Variants in ANO1 observed in about 807,000 individuals in gnomAD.
ANO1 encodes anoctamin 1.
Under a neutral mutation model 124.0 loss-of-function variants are expected in ANO1, and 59 were observed. That is an observed-to-expected ratio of 0.48 (90% CI 0.39 to 0.59). The LOEUF is 0.59. Ranked by LOEUF, ANO1 falls within the 20% of genes least tolerant of loss-of-function variation. The pLI is 0.00. For missense variants in ANO1, 1,059 were observed against 1,328.0 expected (o/e 0.80, Z 3.15); for synonymous variants, 529 against 532.0 (o/e 0.99, Z 0.08).
chr11:70,134,155 G>T (rs549688607), intron 11 of ANO1, among the ~76,000 whole-genome samples: 2 of 152,294 alleles, frequency 1.3e-5, no homozygotes, highest in African/African-American at 2.4e-5. Flanking sequence ...AGCCCCACCC[G>T]CTGTGTGCGC....
chr11:70,147,061 T>C (rs1191041619), intron 11 of ANO1, among the ~76,000 whole-genome samples: 2 of 152,196 alleles, frequency 1.3e-5, no homozygotes, highest in African/African-American at 4.8e-5. Flanking sequence ...TGACACTCAA[T>C]ACAAACCATC....
upstream of ANO1, among the ~76,000 whole-genome samples, chr11:70,073,919 T>C (rs1248782863): frequency 7.3e-6 from 1 of 137,610 alleles, no homozygotes; most frequent in Non-Finnish European, 1.5e-5. Flanking sequence ...TCCGAGCCCA[T>C]GGAGTCCCGC....
Position 70,162,924 on chromosome 11 carries a change from G to A in ANO1, c.1893-359G>A, listed in dbSNP as rs116748733. Among the ~76,000 whole-genome samples, 450 of 152,350 alleles carry A rather than the reference G, an allele frequency of 3.0e-3. 1 individual carries two copies. The highest frequency in any genetic ancestry group is 0.01 in the African/African-American group (426 of 41,584). ...GTGCCAGCTGTCCATGGACCCCACC[G>A]TGCCAGCGGCACATCCTGAGTCCCA... On this transcript the variant is annotated intron_variant, in intron 18 of 25. Transcript: ENST00000355303.
chr11:69,968,895 T>C, the ANO1 span, among the ~76,000 whole-genome samples: 2 of 152,230 alleles, frequency 1.3e-5, no homozygotes, highest in African/African-American at 4.8e-5. Flanking sequence ...GGGTTGTCCC[T>C]TGAGGGAGCC....
rs910891540 is a variant in ANO1 at position 70,188,082 on chromosome 11, C to T, written c.*78C>T. 15 of 1,483,816 alleles carry T rather than the reference C, an allele frequency of 1.0e-5. No individual in the cohort carries two copies. In the East Asian group the frequency reaches 3.5e-4, roughly 34 times the overall value. 91.9% of individuals were successfully genotyped at this position (1,483,816 alleles called of 1,614,324 possible). ...CTCTCCCAGGGCAGGCGGCTTCCCG[C>T]TCCCACCAGGGCCCGGTGGGTCCTG... On this transcript the variant is annotated 3_prime_UTR_variant, in exon 26 of 26. Coordinates refer to ENST00000355303, the MANE Select transcript of ANO1 (RefSeq NM_018043.7).
chr11:69,970,322 A>G, the ANO1 span, among the ~76,000 whole-genome samples: 3 of 152,146 alleles, frequency 2.0e-5, no homozygotes, highest in Non-Finnish European at 2.9e-5. Flanking sequence ...CTTGGCCTCA[A>G]GGGAAGGGTT....
chr11:70,096,823 C>T (rs982608047), intron 2 of ANO1, among the ~76,000 whole-genome samples: 1 of 151,854 alleles, frequency 6.6e-6, no homozygotes, highest in East Asian at 1.9e-4. Flanking sequence ...ATTACGCCAC[C>T]GCACTCCAGC....
chr11:70,034,937 G>A (rs900263229), intron 1 of ANO1, among the ~76,000 whole-genome samples: 5 of 151,548 alleles, frequency 3.3e-5, no homozygotes, highest in Non-Finnish European at 5.9e-5. Context: ...TGTTCTTGCC[G>A]CATCCCAGAC....
intron 7 of ANO1, among the ~76,000 whole-genome samples, chr11:70,113,162 G>A (rs2045856570): frequency 7.3e-6 from 1 of 137,242 alleles, no homozygotes. Context: ...CCCACACCAC[G>A]CCTGCCTGTT....
At chr11:70,072,965 C>G (rs139648761) in intron 1 of ANO1, 7 of 152,366 alleles carry the variant, frequency 4.6e-5, no homozygotes, top group South Asian at 2.1e-4. Context: ...ATAATCAGGA[C>G]AGGGGCTCAG....
chr11:70,078,717 G>A lies in ANO1; in HGVS notation c.108+3G>A. 1 of 1,469,588 alleles carries A rather than the reference G, an allele frequency of 6.8e-7. No individual in the cohort carries two copies. 91.0% of individuals were successfully genotyped at this position (1,469,588 alleles called of 1,614,324 possible). A position where few individuals can be genotyped will look rare whatever the true frequency, so the allele number is the denominator to read the frequency against. Reference sequence around the variant, plus strand: ...GCTACCTGCCGTCCGAGGGCACGGTGAGTGCGGGCGGCCGCGACCCGGGCG... The same window carrying A: ...GCTACCTGCCGTCCGAGGGCACGGTAAGTGCGGGCGGCCGCGACCCGGGCG... On this transcript the variant is annotated splice_donor_region_variant and intron_variant, in intron 1 of 25. Transcript: ENST00000355303.
At chr11:69,979,788 G>A in the ANO1 span, among the ~76,000 whole-genome samples, 1 of 152,164 alleles carries the variant, frequency 6.6e-6, no homozygotes, top group African/African-American at 2.4e-5. Context: ...TGGCCAACAG[G>A]AGAATTGCAA....
At chr11:70,027,342 A>G (rs1286572254) in intron 1 of ANO1, among the ~76,000 whole-genome samples, 1 of 152,190 alleles carries the variant, frequency 6.6e-6, no homozygotes, top group Non-Finnish European at 1.5e-5. Context: ...CACAAAGCCT[A>G]TATTATAATA....
upstream of ANO1, among the ~76,000 whole-genome samples, chr11:70,077,548 C>G (rs574593932): frequency 1.3e-5 from 2 of 152,152 alleles, no homozygotes; most frequent in Non-Finnish European, 2.9e-5. Context: ...CTGCTAGGTC[C>G]GGGGGTAAGA....
intron 1 of ANO1, among the ~76,000 whole-genome samples, chr11:70,045,202 G>T (rs781895559): frequency 6.6e-6 from 1 of 152,190 alleles, no homozygotes. Context: ...TTCCTTGTGC[G>T]ATCTTGGCAA....
chr11:70,185,805 C>A, intron 25 of ANO1, 110 bp downstream of exon 25: 1 of 1,174,264 alleles, frequency 8.5e-7, no homozygotes, highest in Non-Finnish European at 1.2e-6. Context: ...TTCAGAGACT[C>A]CTCCAGAGGC....
At chr11:70,058,922 G>A (rs191578211) in intron 1 of ANO1, among the ~76,000 whole-genome samples, 69 of 152,122 alleles carry the variant, frequency 4.5e-4, no homozygotes, top group Non-Finnish European at 8.7e-4. Flanking sequence ...GGTGGCTCAC[G>A]CCTGTAATCC....
intron 8 of ANO1, among the ~76,000 whole-genome samples, chr11:70,121,964 A>C (rs1404331452): frequency 0.013 from 445 of 35,430 alleles, no homozygotes; most frequent in African/African-American, 0.016. Context: ...CCACCTCCCC[A>C]CCTCTCTCTG....
chr11:70,089,413 CTG>C (rs2044531406), intron 2 of ANO1, among the ~76,000 whole-genome samples: 1 of 152,180 alleles, frequency 6.6e-6, no homozygotes, highest in East Asian at 1.9e-4. Flanking sequence ...GGAAACGCCT[CTG>C]TTTTGTGACA....
Sources: allele counts gnomAD v4.1 joint callset (sites outside exome capture counted in the v4.1 genomes callset), GRCh38; gene constraint gnomAD v4.1.1; transcripts MANE v1.5; gene names NCBI Gene and HGNC (gene_info 2026-07-23, HGNC 2026-07-21).